The following PAPLN variants were observed in gnomAD, a reference collection of about 807,000 sequenced individuals.
PAPLN encodes papilin.
A neutral mutation model predicts 159.0 loss-of-function variants in PAPLN; 146 were observed. That is an observed-to-expected ratio of 0.92 (90% CI 0.80 to 1.05). The LOEUF (loss-of-function observed/expected upper bound fraction) is 1.05. Ranked by LOEUF, PAPLN falls within the 50% of genes least tolerant of loss-of-function variation. The pLI, the probability that PAPLN is intolerant of heterozygous loss-of-function variation, is 0.00. For missense variants in PAPLN, 1,720 were observed against 1,743.9 expected, an observed-to-expected ratio of 0.99 and a Z score of 0.24; for synonymous variants, 734 against 702.9, an observed-to-expected ratio of 1.04 and a Z score of -0.70.
rs375533171 is a variant in PAPLN, at chr14:73,254,866, G to T, written c.1486-11G>T. On this transcript the variant is annotated splice_polypyrimidine_tract_variant and intron_variant, in intron 13 of 26. Transcript: ENST00000644200. Reference sequence around the variant, plus strand: ...CTCAGCATCTCTCTCTCTCCCACTCGTGGGCCTCAGTGCTCCAAGAGCTGC... The same window carrying T: ...CTCAGCATCTCTCTCTCTCCCACTCTTGGGCCTCAGTGCTCCAAGAGCTGC... 1 of 1,610,156 alleles carries T rather than the reference G, an allele frequency of 6.2e-7. No individual in the cohort carries two copies. Among genetic ancestry groups the T allele is most frequent in the South Asian group, 1.1e-5 (1 of 91,030 alleles).
chr14:73,241,022 G>GA (rs376436820), intron 2 of PAPLN, among the ~76,000 whole-genome samples: 2 of 152,026 alleles, frequency 1.3e-5, no homozygotes, highest in East Asian at 3.9e-4. Context: ...TCGGGGGGGG[G>GA]ATGCCACGTC....
intron 17 of PAPLN, 82 bp from the exon 18 acceptor site, chr14:73,261,074 G>A: frequency 6.2e-7 from 1 of 1,607,306 alleles, no homozygotes; most frequent in Non-Finnish European, 8.5e-7. Flanking sequence ...CCTCCTTCCT[G>A]CCATCCTCCC....
rs1887956353 is a variant in PAPLN, at chr14:73,274,041, G to C, written c.*1377G>C. 1 of 152,214 alleles carries C rather than the reference G, an allele frequency of 6.6e-6. No individual in the cohort carries two copies. Among genetic ancestry groups the C allele is most frequent in the African/African-American group, 2.4e-5 (1 of 41,458 alleles). The allele number at this position is 152,214 out of a possible 1,614,324, so 9.4% of individuals were successfully genotyped here. A position where few individuals can be genotyped will look rare whatever the true frequency, so the allele number is the denominator to read the frequency against. ...AAAGCTGACCAGCCTGCTCTGTACA[G>C]TGACAATGAGGAGCCCCTCTCTTCC... On this transcript the variant is annotated 3_prime_UTR_variant, in exon 27 of 27. Transcript: ENST00000644200.
chr14:73,243,662 T>G (rs1343916054), intron 2 of PAPLN: 1 of 152,248 alleles, frequency 6.6e-6, no homozygotes, highest in African/African-American at 2.4e-5. Flanking sequence ...TGAGATAATG[T>G]GTGTGTGGCA....
intron 25 of PAPLN, chr14:73,268,271 A>G (rs1421298107): frequency 2.8e-6 from 1 of 354,408 alleles, no homozygotes; most frequent in Admixed American, 4.5e-5. Flanking sequence ...CAGACTTCAA[A>G]TCTGAGGCCT....
chr14:73,264,101 G>A, intron 20 of PAPLN, 110 bp from the exon 21 acceptor site: 2 of 1,587,516 alleles, frequency 1.3e-6, no homozygotes, highest in African/African-American at 2.7e-5. Flanking sequence ...GGGGTGGGAG[G>A]GTGCTCTGTA....
chr14:73,255,866 C>T (rs1032100548), intron 14 of PAPLN, among the ~76,000 whole-genome samples: 3 of 152,210 alleles, frequency 2.0e-5, no homozygotes, highest in South Asian at 2.1e-4. Flanking sequence ...CCGTTGCTGA[C>T]CAGTTGTGTG....
intron 2 of PAPLN, chr14:73,244,294 C>G: frequency 5.1e-6 from 1 of 196,656 alleles, no homozygotes. Context: ...TTTAGGCCCC[C>G]CTCCCCTACA....
intron 2 of PAPLN, 115 bp downstream of exon 2, chr14:73,239,947 T>A (rs1224860460): frequency 1.1e-5 from 16 of 1,439,930 alleles, no homozygotes; most frequent in Admixed American, 2.5e-5. Flanking sequence ...GAAGCTGGGC[T>A]GGGAGGAGGC....
At chr14:73,251,383 C>G (rs1442284028) in intron 7 of PAPLN, 103 bp from the exon 8 acceptor site, 13 of 1,239,114 alleles carry the variant, frequency 1.0e-5, no homozygotes, top group Admixed American at 4.1e-5. Flanking sequence ...CTTGTGTACC[C>G]TCCCTGCCCC....
At chr14:73,249,767 C>T (rs918600015) in intron 5 of PAPLN, 43 of 316,070 alleles carry the variant, frequency 1.4e-4, no homozygotes, top group Middle Eastern at 1.9e-3. Context: ...TTCACTTTTT[C>T]CTGATTCTGG....
At chr14:73,255,454 G>C (rs559162195) in intron 14 of PAPLN, among the ~76,000 whole-genome samples, 1 of 152,322 alleles carries the variant, frequency 6.6e-6, no homozygotes, top group South Asian at 2.1e-4. Flanking sequence ...GAATGACTGA[G>C]TGACTGACTG....
intron 10 of PAPLN, 32 bp from the exon 11 acceptor site, chr14:73,252,617 C>G (rs1045078609): frequency 6.2e-7 from 1 of 1,605,274 alleles, no homozygotes; most frequent in Admixed American, 1.7e-5. Context: ...TGTTGACTGG[C>G]GTCTGCCCGC....
At chr14:73,236,597 A>G (rs1883043418), upstream of PAPLN, among the ~76,000 whole-genome samples, 1 of 152,118 alleles carries the variant, frequency 6.6e-6, no homozygotes, top group Non-Finnish European at 1.5e-5. Flanking sequence ...TGGGTGGATC[A>G]CCTGAAGTCA....
intron 25 of PAPLN, among the ~76,000 whole-genome samples, chr14:73,267,240 G>A (rs1281532912): frequency 6.6e-6 from 1 of 152,176 alleles, no homozygotes; most frequent in African/African-American, 2.4e-5. Flanking sequence ...AATCTCTCCT[G>A]GAGCTGTGAA....
At chr14:73,252,827 G>A in intron 11 of PAPLN, 52 bp downstream of exon 11, 1 of 1,606,876 alleles carries the variant, frequency 6.2e-7, no homozygotes, top group Non-Finnish European at 8.5e-7. Context: ...AACTTGGGTG[G>A]GAAGGGAACA....
At chr14:73,254,735 G>A (rs1470006040) in intron 13 of PAPLN, 40 bp downstream of exon 13, 1 of 1,602,024 alleles carries the variant, frequency 6.2e-7, no homozygotes, top group Admixed American at 1.7e-5. Flanking sequence ...CCTGACCCTG[G>A]TCTCTGGCAG....
rs1416613502 is a variant in PAPLN, at chr14:73,253,769, A to G, written c.1110A>G (p.Pro370=). 8 of 1,599,796 alleles carry G rather than the reference A, an allele frequency of 5.0e-6. No individual in the cohort carries two copies. Among genetic ancestry groups the G allele is most frequent in the South Asian group, 1.1e-5 (1 of 90,344 alleles). ...CPETKRWKAG[P]WAPCSASCGG... ...CTCCTGCCAGCTGGAAGGCAGGGCC[A>G]TGGGCACCCTGCTCAGCCTCCTGTG... Residue 370 remains proline (P), a synonymous_variant, in exon 12 of 27, where the codon CCA becomes CCG. Transcript: ENST00000644200.
At chr14:73,259,631 G>T in intron 16 of PAPLN, 86 bp downstream of exon 16, 3 of 1,394,434 alleles carry the variant, frequency 2.2e-6, no homozygotes, top group Non-Finnish European at 2.8e-6. Context: ...CTGATCAGAA[G>T]AGGGCTGGGG....
Sources: allele counts gnomAD v4.1 joint callset (sites outside exome capture counted in the v4.1 genomes callset), GRCh38; gene constraint gnomAD v4.1.1; transcripts MANE v1.5; gene names NCBI Gene and HGNC (gene_info 2026-07-23, HGNC 2026-07-21).